Variants in ANKRD9 observed in about 807,000 individuals in gnomAD.
ANKRD9 encodes ankyrin repeat domain-containing protein 9.
In ANKRD9, 13 loss-of-function variants were observed where a neutral mutation model predicts 19.2. The ratio of observed to expected loss-of-function variants is 0.68; its 90% CI spans 0.44 to 1.08. The LOEUF (loss-of-function observed/expected upper bound fraction) is 1.08. Ranked by LOEUF, ANKRD9 falls within the 50% of genes least tolerant of loss-of-function variation. ANKRD9 has a pLI of 0.00. For synonymous variants in ANKRD9, 278 were observed against 256.8 expected (o/e 1.08, Z -0.79); for missense variants, 518 against 499.9 (o/e 1.04, Z -0.34).
chr14:102,507,244 C>A lies in ANKRD9; in HGVS notation c.646G>T (p.Ala216Ser). The part of the protein sequence containing the change: ...DAGATPSAAG[A>S]PASAPGEPRQ... Reference sequence around the variant, plus strand: ...GGCTCCCCGGGAGCTGAGGCGGGGGCTCCGGCGGCGGAGGGAGTGGCCCCG... The same window carrying A: ...GGCTCCCCGGGAGCTGAGGCGGGGGATCCGGCGGCGGAGGGAGTGGCCCCG... The change falls in exon 4 of 4, where the codon GCC becomes TCC. Residue 216 changes from alanine to serine, a missense_variant. By Grantham distance (99) the Ala-to-Ser change is moderately conservative. Transcript: ENST00000286918. The surrounding 1 kb of genome is among the most constrained non-coding windows in gnomAD (Gnocchi z 9.2). 2.4e-6 allele frequency: 3 copies of A among 1,236,294 alleles called. No homozygotes were observed. The highest frequency in any genetic ancestry group is 3.0e-6 in the Non-Finnish European group (3 of 989,286). 76.6% of individuals were successfully genotyped at this position (1,236,294 alleles called of 1,614,324 possible).
chr14:102,506,431 T>C lies in ANKRD9; in HGVS notation c.*505A>G, dbSNP rs991755578. On this transcript the variant is annotated 3_prime_UTR_variant, in exon 4 of 4. Coordinates refer to ENST00000286918, the MANE Select transcript of ANKRD9 (RefSeq NM_152326.4). ...TGGGGTGGGGGATACCCGGTACAAT[T>C]TGTTCATGCCTCAACACCAGCCACC... 4 of 153,520 alleles carry C rather than the reference T, an allele frequency of 2.6e-5. No individual in the cohort carries two copies. Among genetic ancestry groups the C allele is most frequent in the African/African-American group, 7.2e-5 (3 of 41,504 alleles). 9.5% of individuals were successfully genotyped at this position (153,520 alleles called of 1,614,324 possible).
Position 102,506,150 on chromosome 14 carries a change from CA to C in ANKRD9, c.*785del, listed in dbSNP as rs1891583135. 1 of 152,240 alleles carries C rather than the reference CA, an allele frequency of 6.6e-6. No homozygotes were observed. Among genetic ancestry groups the C allele is most frequent in the Non-Finnish European group, 1.5e-5 (1 of 68,078 alleles). 9.4% of individuals were successfully genotyped at this position (152,240 alleles called of 1,614,324 possible). A position where few individuals can be genotyped will look rare whatever the true frequency, so the allele number is the denominator to read the frequency against. On this transcript the variant is annotated 3_prime_UTR_variant, in exon 4 of 4. Coordinates refer to ENST00000286918, the MANE Select transcript of ANKRD9 (RefSeq NM_152326.4). Reference sequence around the variant, plus strand: ...GCACCACCTGGCACCCACTGGGGGCCACCAGGGAGCCCACCAAGCCCACTCC... The same window carrying C: ...GCACCACCTGGCACCCACTGGGGGCCCCAGGGAGCCCACCAAGCCCACTCC...
In ANKRD9 at chr14:102,507,760, G is replaced by T. The variant is rs1237534933; in HGVS notation, c.130C>A (p.Leu44Met). Residue 44 changes from leucine (L) to methionine (M), a missense_variant, in exon 4 of 4, where the codon CTG becomes ATG. Transcript: ENST00000286918. The surrounding 1 kb of genome is among the most constrained non-coding windows in gnomAD (Gnocchi z 9.2). ...TCCTCCAGCAGCCACACGGGTAGCA[G>T]GTCGCGCACCGCCTGGTAGAAGGCG... ...SFAFYQAVRD[L>M]LPVWLLEDMR... 1.3e-5 allele frequency: 20 copies of T among 1,505,652 alleles called. No homozygotes were observed. The East Asian group carries it at 5.2e-4, about 39-fold the overall frequency. 93.3% of individuals were successfully genotyped at this position (1,505,652 alleles called of 1,614,324 possible).
At position 102,507,255 on chromosome 14, in the gene ANKRD9, G is replaced by C; in HGVS notation, c.635C>G (p.Ser212Cys). Residue 212 changes from serine (S) to cysteine (C), a missense_variant, in exon 4 of 4, where the codon TCC becomes TGC. Coordinates refer to ENST00000286918, the MANE Select transcript of ANKRD9 (RefSeq NM_152326.4). The surrounding 1 kb of genome is among the most constrained non-coding windows in gnomAD (Gnocchi z 9.2). Reference sequence around the variant, plus strand: ...AGCTGAGGCGGGGGCTCCGGCGGCGGAGGGAGTGGCCCCGGCGTCGCGGCC... The same window carrying C: ...AGCTGAGGCGGGGGCTCCGGCGGCGCAGGGAGTGGCCCCGGCGTCGCGGCC... ...QLGRDAGATP[S>C]AAGAPASAPG... The C allele has an allele frequency of 2.4e-6, 3 of 1,228,536 alleles. No homozygotes were observed. Among genetic ancestry groups the C allele is most frequent in the South Asian group, 2.6e-5 (1 of 38,106 alleles). The allele number at this position is 1,228,536 out of a possible 1,614,324, so 76.1% of individuals were successfully genotyped here. A position where few individuals can be genotyped will look rare whatever the true frequency, so the allele number is the denominator to read the frequency against.
In ANKRD9 at chr14:102,507,019, A is replaced by G; in HGVS notation, c.871T>C (p.Ser291Pro). 6.3e-7 allele frequency: 1 copy of G among 1,583,186 alleles called. No homozygotes were observed. Among genetic ancestry groups the G allele is most frequent in the Non-Finnish European group, 8.5e-7 (1 of 1,170,602 alleles). The change falls in exon 4 of 4, where the codon TCT (serine) becomes CCT (proline). Residue 291 changes from serine to proline, a missense_variant. Transcript: ENST00000286918. This position sits in a 1 kb window ranked among gnomAD's most constrained non-coding sequence, Gnocchi z 9.2. ...AGGGCCTCGGGGAAGCGGCCTGGAG[A>G]GATGGCGGTGACCAGCACCTGCATG... ...RAMQVLVTAI[S>P]PGRFPEALDE...
In ANKRD9 at chr14:102,507,579, C is replaced by A. The variant is rs765561245; in HGVS notation, c.311G>T (p.Ser104Ile). Residue 104 changes from serine (S) to isoleucine (I), a missense_variant, in exon 4 of 4, where the codon AGT (serine) becomes ATT (isoleucine). Transcript: ENST00000286918. The surrounding 1 kb of genome is among the most constrained non-coding windows in gnomAD (Gnocchi z 9.2). ...TFPRRALAPP[S>I]AGFRCCAAPG... Reference sequence around the variant, plus strand: ...AGCCGCGCAGCAGCGGAAGCCGGCACTGGGCGGTGCGAGCGCGCGCCGCGG... The same window carrying A: ...AGCCGCGCAGCAGCGGAAGCCGGCAATGGGCGGTGCGAGCGCGCGCCGCGG... The A allele has an allele frequency of 7.1e-7, 1 of 1,398,710 alleles. No homozygotes were observed. 86.6% of individuals were successfully genotyped at this position (1,398,710 alleles called of 1,614,324 possible).
Position 102,507,068 on chromosome 14 carries a change from C to G in ANKRD9, c.822G>C (p.Ala274=). The part of the protein sequence containing the change: ...EDKFQWLAGL[A]PPSLFARAMQ... ...TGGCGCGCGCGAAGAGCGAGGGCGG[C>G]GCCAGGCCCGCCAGCCACTGGAACT... Residue 274 remains alanine (A), a synonymous_variant, in exon 4 of 4, where the codon GCG becomes GCC. Coordinates refer to ENST00000286918, the MANE Select transcript of ANKRD9 (RefSeq NM_152326.4). This position sits in a 1 kb window ranked among gnomAD's most constrained non-coding sequence, Gnocchi z 9.2. 2.6e-6 allele frequency: 4 copies of G among 1,539,496 alleles called. No individual in the cohort carries two copies. Among genetic ancestry groups the G allele is most frequent in the Non-Finnish European group, 2.6e-6 (3 of 1,152,394 alleles).
Position 102,507,404 on chromosome 14 carries a change from C to T in ANKRD9, c.486G>A (p.Ser162=). The change falls in exon 4 of 4, where the codon TCG becomes TCA. Residue 162 remains serine (S), a synonymous_variant. Coordinates refer to ENST00000286918, the MANE Select transcript of ANKRD9 (RefSeq NM_152326.4). This position sits in a 1 kb window ranked among gnomAD's most constrained non-coding sequence, Gnocchi z 9.2. ...GCSRVEGGGT[S]LHVACELARP... Reference sequence around the variant, plus strand: ...GCGCCAGCTCACAGGCCACGTGCAGCGACGTGCCACCGCCCTCCACGCGGC... The same window carrying T: ...GCGCCAGCTCACAGGCCACGTGCAGTGACGTGCCACCGCCCTCCACGCGGC... 1.5e-6 allele frequency: 2 copies of T among 1,353,462 alleles called. No homozygotes were observed. Among genetic ancestry groups the T allele is most frequent in the Admixed American group, 3.4e-5 (1 of 29,168 alleles). The allele number at this position is 1,353,462 out of a possible 1,614,324, so 83.8% of individuals were successfully genotyped here. A position where few individuals can be genotyped will look rare whatever the true frequency, so the allele number is the denominator to read the frequency against.
At position 102,507,304 on chromosome 14, in the gene ANKRD9, G is replaced by C. The variant is rs1190192160; in HGVS notation, c.586C>G (p.Leu196Val). The C allele has an allele frequency of 1.5e-5, 19 of 1,250,674 alleles. No homozygotes were observed. Among genetic ancestry groups the C allele is most frequent in the Non-Finnish European group, 3.0e-6 (3 of 993,412 alleles). 77.5% of individuals were successfully genotyped at this position (1,250,674 alleles called of 1,614,324 possible). A position where few individuals can be genotyped will look rare whatever the true frequency, so the allele number is the denominator to read the frequency against. Reference sequence around the variant, plus strand: ...CCCAGCTGGCGCAGCAGCAGCTCGAGAGGCGTGAGGCCGCCGCCGTCCCGC... The same window carrying C: ...CCCAGCTGGCGCAGCAGCAGCTCGACAGGCGTGAGGCCGCCGCCGTCCCGC... The part of the protein sequence containing the change: ...GLRDGGGLTP[L>V]ELLLRQLGRD... The change falls in exon 4 of 4, where the codon CTC becomes GTC. Residue 196 changes from leucine to valine, a missense_variant. By Grantham distance (32) the Leu-to-Val change is conservative (BLOSUM62 1). Transcript: ENST00000286918. This position sits in a 1 kb window ranked among gnomAD's most constrained non-coding sequence, Gnocchi z 9.2.
chr14:102,505,643 C>G lies in ANKRD9; in HGVS notation c.*1293G>C, dbSNP rs1273417197. The G allele has an allele frequency of 6.6e-6, 1 of 152,310 alleles. No homozygotes were observed. Among genetic ancestry groups the G allele is most frequent in the East Asian group, 1.9e-4 (1 of 5,178 alleles). 9.4% of individuals were successfully genotyped at this position (152,310 alleles called of 1,614,324 possible). A position where few individuals can be genotyped will look rare whatever the true frequency, so the allele number is the denominator to read the frequency against. ...TTGATGGGGAGACTGAGGGCCAAGG[C>G]AGAGGTTTGTCCAAGGTCACCCCCA... On this transcript the variant is annotated 3_prime_UTR_variant, in exon 4 of 4. Coordinates refer to ENST00000286918, the MANE Select transcript of ANKRD9 (RefSeq NM_152326.4).
In ANKRD9 at chr14:102,508,146, C is replaced by A. The variant is rs900543794; in HGVS notation, c.-53-204G>T. Among the ~76,000 whole-genome samples the A allele has an allele frequency of 6.6e-6, 1 of 152,150 alleles. No individual in the cohort carries two copies. Among genetic ancestry groups the A allele is most frequent in the East Asian group, 1.9e-4 (1 of 5,194 alleles). ...CGCCTCCATCCTTGATCTAGCTGTACCTGTTCTCCCTCCTTGAAACTGACT... is the reference window on the plus strand; with the variant it reads ...CGCCTCCATCCTTGATCTAGCTGTAACTGTTCTCCCTCCTTGAAACTGACT... On this transcript the variant is annotated intron_variant, in intron 3 of 3. Transcript: ENST00000286918. The surrounding 1 kb of genome is among the most constrained non-coding windows in gnomAD (Gnocchi z 6.2).
Position 102,508,517 on chromosome 14 carries a change from A to G in ANKRD9, c.-96T>C, listed in dbSNP as rs1258255866. ...ATCACCTAGTTCCGGGGATGTGGGT[A>G]TATCACAGTCCCTGGCCGAGCCTCA... On this transcript the variant is annotated 5_prime_UTR_variant, in exon 3 of 4. Coordinates refer to ENST00000286918, the MANE Select transcript of ANKRD9 (RefSeq NM_152326.4). The surrounding 1 kb of genome is among the most constrained non-coding windows in gnomAD (Gnocchi z 6.2). 6.6e-6 allele frequency: 1 copy of G among 152,188 alleles called. No individual in the cohort carries two copies. Among genetic ancestry groups the G allele is most frequent in the Non-Finnish European group, 1.5e-5 (1 of 68,090 alleles). 9.4% of individuals were successfully genotyped at this position (152,188 alleles called of 1,614,324 possible). A position where few individuals can be genotyped will look rare whatever the true frequency, so the allele number is the denominator to read the frequency against.
At position 102,502,793 on chromosome 14, in the gene ANKRD9, G is replaced by A. The variant is rs1891477621; in HGVS notation, c.*4143C>T. 6.6e-6 allele frequency: 1 copy of A among 152,236 alleles called. No homozygotes were observed. The highest frequency in any genetic ancestry group is 2.4e-5 in the African/African-American group (1 of 41,444). 9.4% of individuals were successfully genotyped at this position (152,236 alleles called of 1,614,324 possible). A position where few individuals can be genotyped will look rare whatever the true frequency, so the allele number is the denominator to read the frequency against. Reference sequence around the variant, plus strand: ...CTTTACTTGTACGTGAGCGCTTAGGGGCCCTGTCTCTGGGGACCATGTGGG... The same window carrying A: ...CTTTACTTGTACGTGAGCGCTTAGGAGCCCTGTCTCTGGGGACCATGTGGG... On this transcript the variant is annotated 3_prime_UTR_variant, in exon 4 of 4. Transcript: ENST00000286918.
In ANKRD9 at chr14:102,507,576, G is replaced by T. The variant is rs1891651340; in HGVS notation, c.314C>A (p.Ala105Asp). Residue 105 changes from alanine to aspartate, a missense_variant, in exon 4 of 4, where the codon GCC (alanine) becomes GAC (aspartate). By Grantham distance (126) the Ala-to-Asp change is moderately radical (BLOSUM62 -2). Transcript: ENST00000286918. This position sits in a 1 kb window ranked among gnomAD's most constrained non-coding sequence, Gnocchi z 9.2. Reference sequence around the variant, plus strand: ...GGGAGCCGCGCAGCAGCGGAAGCCGGCACTGGGCGGTGCGAGCGCGCGCCG... The same window carrying T: ...GGGAGCCGCGCAGCAGCGGAAGCCGTCACTGGGCGGTGCGAGCGCGCGCCG... ...FPRRALAPPS[A>D]GFRCCAAPGP... 2.2e-6 allele frequency: 3 copies of T among 1,394,318 alleles called. No homozygotes were observed. Among genetic ancestry groups the T allele is most frequent in the African/African-American group, 1.5e-5 (1 of 66,372 alleles). 86.4% of individuals were successfully genotyped at this position (1,394,318 alleles called of 1,614,324 possible).
At chr14:102,509,235 C>T (rs3742446) in intron 1 of ANKRD9, 39,755 of 152,108 alleles carry the variant, frequency 0.26, 5,721 homozygotes, top group East Asian at 0.53. Context: ...CGTGGGGCGC[C>T]GGGCGGGTTA....
intron 1 of ANKRD9, 34 bp downstream of exon 1, chr14:102,509,495 G>T: frequency 6.8e-6 from 1 of 146,302 alleles, no homozygotes; most frequent in South Asian, 2.0e-4. Context: ...AGGGGGCGGC[G>T]GCCGCGGGCG....
rs1489752986 is a variant in ANKRD9, at chr14:102,507,964, A to G, written c.-53-22T>C. 2 of 1,087,248 alleles carry G rather than the reference A, an allele frequency of 1.8e-6. No individual in the cohort carries two copies. The highest frequency in any genetic ancestry group is 1.2e-4 in the East Asian group (2 of 16,272). 67.4% of individuals were successfully genotyped at this position (1,087,248 alleles called of 1,614,324 possible). A position where few individuals can be genotyped will look rare whatever the true frequency, so the allele number is the denominator to read the frequency against. On this transcript the variant is annotated intron_variant, in intron 3 of 3. Transcript: ENST00000286918. The surrounding 1 kb of genome is among the most constrained non-coding windows in gnomAD (Gnocchi z 9.2). ...ACACCTGCGGGGAAAGGAAGAGGCC[A>G]CGGTGAGGCGCGGGGAAACTGGGGA...
In ANKRD9 at chr14:102,506,587, C is replaced by G; in HGVS notation, c.*349G>C. 1 of 232,794 alleles carries G rather than the reference C, an allele frequency of 4.3e-6. No individual in the cohort carries two copies. The highest frequency in any genetic ancestry group is 8.3e-5 in the East Asian group (1 of 12,036). The allele number at this position is 232,794 out of a possible 1,614,324, so 14.4% of individuals were successfully genotyped here. On this transcript the variant is annotated 3_prime_UTR_variant, in exon 4 of 4. Transcript: ENST00000286918. ...CTCTTGGCTTCCAGGCCTTTTTATA[C>G]GCTGTCCTGCTGCTTGGACATGCCA...
chr14:102,507,684 G>C lies in ANKRD9; in HGVS notation c.206C>G (p.Ala69Gly). ...FHWDERGRAAAYSPSEALLYA... is the reference protein window; with the variant it reads ...FHWDERGRAAGYSPSEALLYA... ...GAGCAGCGCCTCAGAGGGCGAGTAGGCGGCGGCGCGCCCGCGCTCGTCCCA... is the reference window on the plus strand; with the variant it reads ...GAGCAGCGCCTCAGAGGGCGAGTAGCCGGCGGCGCGCCCGCGCTCGTCCCA... Residue 69 changes from alanine to glycine, a missense_variant, in exon 4 of 4, where the codon GCC becomes GGC. Ala to Gly is a moderately conservative substitution (Grantham distance 60, BLOSUM62 0). Coordinates refer to ENST00000286918, the MANE Select transcript of ANKRD9 (RefSeq NM_152326.4). The surrounding 1 kb of genome is among the most constrained non-coding windows in gnomAD (Gnocchi z 9.2). The C allele has an allele frequency of 1.9e-6, 3 of 1,554,390 alleles. No homozygotes were observed. Among genetic ancestry groups the C allele is most frequent in the Middle Eastern group, 1.7e-4 (1 of 5,908 alleles).
Sources: allele counts gnomAD v4.1 joint callset (sites outside exome capture counted in the v4.1 genomes callset), GRCh38; gene constraint gnomAD v4.1.1; non-coding constraint Gnocchi (gnomAD v3.1); transcripts MANE v1.5; gene names NCBI Gene and HGNC (gene_info 2026-07-23, HGNC 2026-07-21).